Variants in PPHLN1 observed in about 807,000 individuals in gnomAD.
PPHLN1 encodes periphilin-1.
In PPHLN1, 29 loss-of-function variants were observed where a neutral mutation model predicts 51.3. That is an observed-to-expected ratio of 0.57 (90% confidence interval 0.42 to 0.77). PPHLN1 has a LOEUF of 0.77. PPHLN1 is among the 30% of genes least tolerant of loss of function. The pLI, the probability that PPHLN1 is intolerant of heterozygous loss-of-function variation, is 0.00. For missense variants in PPHLN1, 436 were observed against 438.4 expected (o/e 0.99, Z 0.05); for synonymous variants, 147 against 147.8 (o/e 0.99, Z 0.04).
chr12:42,402,735 G>A (rs1451923150), intron 9 of PPHLN1, among the ~76,000 whole-genome samples: 2 of 151,826 alleles, frequency 1.3e-5, no homozygotes, highest in South Asian at 2.1e-4. Flanking sequence ...AATAACCTTC[G>A]AATATACCAC....
chr12:42,438,685 C>A (rs2082684832), intron 9 of PPHLN1, among the ~76,000 whole-genome samples: 1 of 152,028 alleles, frequency 6.6e-6, no homozygotes, highest in African/African-American at 2.4e-5. Flanking sequence ...CACCGCAACC[C>A]CTGCCTCCCA....
At position 42,441,345 on chromosome 12, in the gene PPHLN1, A is replaced by T. The variant is rs2082940171; in HGVS notation, c.940A>T (p.Met314Leu). The T allele has an allele frequency of 3.1e-6, 5 of 1,612,814 alleles. No homozygotes were observed. Among genetic ancestry groups the T allele is most frequent in the Non-Finnish European group, 4.2e-6 (5 of 1,179,290 alleles). Residue 314 changes from methionine to leucine, a missense_variant, in exon 10 of 10, where the codon ATG becomes TTG. Transcript: ENST00000358314. ...CCGACAAGACTGTGAAACTTTCGGG[A>T]TGGTGGTGAAAATGCTGATTGAAAA... ...VYRQDCETFG[M>L]VVKMLIEKDP...
chr12:42,443,868 G>C (rs1374527184), downstream of PPHLN1: 4 of 152,156 alleles, frequency 2.6e-5, no homozygotes, highest in Admixed American at 2.6e-4. Context: ...ACAGGACAGA[G>C]AAAAATTTGC....
chr12:42,374,482 C>T (rs1253501664), intron 4 of PPHLN1, among the ~76,000 whole-genome samples: 1 of 151,990 alleles, frequency 6.6e-6, no homozygotes, highest in African/African-American at 2.4e-5. Flanking sequence ...CTCTGTTGCC[C>T]AGGCTGGAGT....
intron 9 of PPHLN1, among the ~76,000 whole-genome samples, chr12:42,419,519 C>A (rs1374945883): frequency 6.6e-6 from 1 of 152,188 alleles, no homozygotes; most frequent in African/African-American, 2.4e-5. Context: ...CAGGCGTGAG[C>A]CACCACGCCT....
chr12:42,347,828 T>A (rs531513757), intron 2 of PPHLN1, among the ~76,000 whole-genome samples: 10 of 152,154 alleles, frequency 6.6e-5, no homozygotes, highest in Non-Finnish European at 1.3e-4. Flanking sequence ...CATCATAGAT[T>A]TTATTGGGAA....
chr12:42,359,685 C>T (rs773821519), intron 4 of PPHLN1: 4 of 152,058 alleles, frequency 2.6e-5, no homozygotes, highest in African/African-American at 4.8e-5. Context: ...CATTGTGAAC[C>T]GTGCAAAGAG....
intron 9 of PPHLN1, among the ~76,000 whole-genome samples, chr12:42,426,783 C>T (rs979900951): frequency 1.1e-4 from 17 of 152,174 alleles, no homozygotes; most frequent in African/African-American, 4.1e-4. Flanking sequence ...GAACTCAACT[C>T]ATTGGACCCA....
chr12:42,446,329 C>T (rs199513286), downstream of PPHLN1: 110 of 1,539,790 alleles, frequency 7.1e-5, 1 homozygote, highest in East Asian at 2.1e-3. Flanking sequence ...GCCTGTTACC[C>T]GTACCTACTA....
At chr12:42,333,437 A>G (rs1017137685) in intron 1 of PPHLN1, among the ~76,000 whole-genome samples, 1 of 151,314 alleles carries the variant, frequency 6.6e-6, no homozygotes, top group African/African-American at 2.4e-5. Context: ...ATTCTTCCCA[A>G]TCTGTACCAA....
chr12:42,395,702 T>C (rs1031803667), intron 8 of PPHLN1, among the ~76,000 whole-genome samples: 8 of 152,174 alleles, frequency 5.3e-5, no homozygotes, highest in Non-Finnish European at 1.2e-4. Context: ...TATGTGTGTG[T>C]GTGCATGTGC....
At chr12:42,437,882 G>C (rs916171183) in intron 9 of PPHLN1, among the ~76,000 whole-genome samples, 1 of 152,082 alleles carries the variant, frequency 6.6e-6, no homozygotes, top group African/African-American at 2.4e-5. Flanking sequence ...TCTCTTTAGT[G>C]TCTATGGGTT....
intron 5 of PPHLN1, among the ~76,000 whole-genome samples, chr12:42,382,727 A>G (rs947343149): frequency 3.3e-5 from 5 of 152,222 alleles, no homozygotes; most frequent in Non-Finnish European, 7.3e-5. Context: ...AACAAAAACG[A>G]AAGAGGAAGG....
Position 42,409,451 on chromosome 12 carries a change from T to A in PPHLN1, c.909+10457T>A, listed in dbSNP as rs576385497. Among the ~76,000 whole-genome samples the A allele has an allele frequency of 1.4e-3, 212 of 152,258 alleles. 7 individuals carry two copies. The South Asian group carries it at 0.043, about 31-fold the overall frequency. ...GACCTGATTTTTGTACAGATGTCTT[T>A]TAAAGGTTAATGTGCTTGGGAAACA... On this transcript the variant is annotated intron_variant, in intron 9 of 9. Coordinates refer to ENST00000358314, the MANE Select transcript of PPHLN1 (RefSeq NM_201439.2).
chr12:42,426,172 C>CCACACACACACACACACACACA (rs71084653), intron 9 of PPHLN1, among the ~76,000 whole-genome samples: 8 of 122,186 alleles, frequency 6.5e-5, no homozygotes, highest in South Asian at 3.0e-4. Flanking sequence ...AGACTTGACA[C>CCACACACACACACACACACACA]CACACACACA....
intron 7 of PPHLN1, among the ~76,000 whole-genome samples, chr12:42,393,068 A>C (rs2077877681): frequency 6.6e-6 from 1 of 152,224 alleles, no homozygotes; most frequent in Admixed American, 6.5e-5. Context: ...AGGAACTAGT[A>C]GTAGGATCAA....
intron 1 of PPHLN1, among the ~76,000 whole-genome samples, chr12:42,327,465 A>G (rs1050944085): frequency 6.6e-6 from 1 of 152,142 alleles, no homozygotes; most frequent in Non-Finnish European, 1.5e-5. Flanking sequence ...TTCCCTCAGT[A>G]TCTTCACAAA....
chr12:42,363,662 T>G (rs1389322725), intron 4 of PPHLN1, among the ~76,000 whole-genome samples: 1 of 152,100 alleles, frequency 6.6e-6, no homozygotes, highest in Non-Finnish European at 1.5e-5. Flanking sequence ...CCTGCCCCGC[T>G]CTGAAAGTGA....
chr12:42,436,732 A>G (rs2082518711), intron 9 of PPHLN1, among the ~76,000 whole-genome samples: 1 of 152,152 alleles, frequency 6.6e-6, no homozygotes, highest in East Asian at 1.9e-4. Flanking sequence ...CTAAGTGACT[A>G]ACAGGTGGGT....
Sources: gnomAD v4.1 joint callset for allele counts (sites outside exome capture counted in the v4.1 genomes callset) on GRCh38, gnomAD v4.1.1 for gene constraint, MANE v1.5 for transcripts, NCBI Gene and HGNC (gene_info 2026-07-23, HGNC 2026-07-21) for gene names.